Variants in GPAT2 observed in about 807,000 individuals in gnomAD.
The protein encoded by GPAT2 is 1-acylglycerol-3-phosphate O-acyltransferase GPAT2.
Under a neutral mutation model 71.0 loss-of-function variants are expected in GPAT2, and 51 were observed. The observed-to-expected ratio is 0.72, with a 90% confidence interval of 0.57 to 0.91. The LOEUF is 0.91. Ranked by LOEUF, GPAT2 falls within the 40% of genes least tolerant of loss-of-function variation. The probability of loss-of-function intolerance (pLI) is 0.00; values close to 1 mark genes in which losing one functional copy is unlikely to be tolerated. For synonymous variants in GPAT2, 222 were observed against 290.3 expected (o/e 0.76, Z 2.39); for missense variants, 511 against 666.0 (o/e 0.77, Z 2.56).
Position 96,024,516 on chromosome 2 carries a change from A to G in GPAT2, c.1598T>C (p.Leu533Pro), listed in dbSNP as rs756777226. The G allele has an allele frequency of 6.8e-6, 11 of 1,613,942 alleles. No individual in the cohort carries two copies. Among genetic ancestry groups the G allele is most frequent in the Non-Finnish European group, 8.5e-6 (10 of 1,179,962 alleles). ...GCCTGGGCCAGGCTGCGGCACCACC[A>G]GCAAGTCACCCTGACGGATGCGCAG... ...ALLRIRQGDL[L>P]VVPQPGPGLT... The change falls in exon 15 of 22, where the codon CTG becomes CCG. Residue 533 changes from leucine to proline, a missense_variant. By Grantham distance (98) the Leu-to-Pro change is moderately conservative. Coordinates refer to ENST00000434632, the MANE Select transcript of GPAT2 (RefSeq NM_001321527.2).
chr2:96,024,727 GCCACCCCCC>G (rs747493199), intron 14 of GPAT2, 37 bp downstream of exon 14: 211 of 1,611,696 alleles, frequency 1.3e-4, no homozygotes, highest in Non-Finnish European at 1.1e-4. Flanking sequence ...GCCACACATC[GCCACCCCCC>G]CCACCGCCCA....
intron 1 of GPAT2, among the ~76,000 whole-genome samples, chr2:96,034,023 T>C (rs1162087818): frequency 6.6e-6 from 1 of 151,576 alleles, no homozygotes; most frequent in African/African-American, 2.4e-5. Flanking sequence ...TACACACACA[T>C]ATATACATAT....
rs1679797673 is a variant in GPAT2, at chr2:96,022,557, G to A, written c.2289+111C>T. ...AAGTAAATCCCAGGGTCTTAATGAG[G>A]CACCATCAGGCCAGCCCTGTGGAGT... On this transcript the variant is annotated intron_variant, in intron 21 of 21. Transcript: ENST00000434632. The A allele has an allele frequency of 1.2e-5, 14 of 1,130,322 alleles. No individual in the cohort carries two copies. The East Asian group carries it at 3.3e-4, about 27-fold the overall frequency. 70.0% of individuals were successfully genotyped at this position (1,130,322 alleles called of 1,614,324 possible). A position where few individuals can be genotyped will look rare whatever the true frequency, so the allele number is the denominator to read the frequency against.
chr2:96,026,469 T>C, intron 10 of GPAT2, 164 bp from the exon 11 acceptor site: 1 of 526,340 alleles, frequency 1.9e-6, no homozygotes. Flanking sequence ...AGCTCCTCTT[T>C]CCTTATCCAT....
chr2:96,023,674 G>A, intron 17 of GPAT2: 2 of 709,532 alleles, frequency 2.8e-6, no homozygotes, highest in Non-Finnish European at 4.7e-6. Flanking sequence ...GAGGTGTGCA[G>A]AGAACCTCAG....
chr2:96,026,227 G>T lies in GPAT2; in HGVS notation c.1111C>A (p.Arg371=). The change falls in exon 11 of 22, where the codon CGG becomes AGG. Residue 371 remains arginine (R), a synonymous_variant. Transcript: ENST00000434632. ...SLWSRWGCSH[R]ICSRVHLAQP... The stretch of plus-strand genomic sequence containing the variant: ...GCTAGGTGCACCCGGGAGCAGATCC[G>T]GTGGCTGCAGCCCCAGCGGCTCCAC... The T allele has an allele frequency of 6.2e-7, 1 of 1,611,428 alleles. No homozygotes were observed. Among genetic ancestry groups the T allele is most frequent in the Non-Finnish European group, 8.5e-7 (1 of 1,179,096 alleles).
intron 1 of GPAT2, among the ~76,000 whole-genome samples, chr2:96,034,069 A>G (rs1265295237): frequency 6.7e-6 from 1 of 150,330 alleles, no homozygotes; most frequent in Non-Finnish European, 1.5e-5. Flanking sequence ...ACACATATAT[A>G]CATATAATAC....
Position 96,024,205 on chromosome 2 carries a change from T to G in GPAT2, c.1820A>C (p.Asp607Ala), listed in dbSNP as rs758575848. Residue 607 changes from aspartate to alanine, a missense_variant, in exon 16 of 22, where the codon GAC (aspartate) becomes GCC (alanine). Around this residue, in one of 7 missense-constraint regions of GPAT2, gnomAD observed 295 missense variants for 305.5 expected, o/e 0.97. Coordinates refer to ENST00000434632, the MANE Select transcript of GPAT2 (RefSeq NM_001321527.2). ...ILLLMHLLPQ[D>A]LLLLKPCQSS... is the part of the protein sequence containing the mutation. ...AGGCCTGACCTTTAGCAGCAGCAGG[T>G]CTTGCGGCAGCAGGTGCATCAGCAG... The G allele has an allele frequency of 2.2e-5, 33 of 1,532,366 alleles. No homozygotes were observed. Among genetic ancestry groups the G allele is most frequent in the Non-Finnish European group, 2.9e-5 (33 of 1,135,254 alleles). The allele number at this position is 1,532,366 out of a possible 1,614,324, so 94.9% of individuals were successfully genotyped here. A position where few individuals can be genotyped will look rare whatever the true frequency, so the allele number is the denominator to read the frequency against.
At chr2:96,022,297 G>GT in intron 21 of GPAT2, 22 bp from the exon 22 acceptor site, 1 of 1,569,644 alleles carries the variant, frequency 6.4e-7, no homozygotes, top group East Asian at 2.3e-5. Flanking sequence ...AAGATAAGCC[G>GT]TGAGTGCGCT....
At position 96,024,452 on chromosome 2, in the gene GPAT2, G is replaced by A. The variant is rs1161488806; in HGVS notation, c.1662C>T (p.Pro554=). The change falls in exon 15 of 22, where the codon CCC becomes CCT. Residue 554 remains proline, a synonymous_variant. Coordinates refer to ENST00000434632, the MANE Select transcript of GPAT2 (RefSeq NM_001321527.2). ...CGCCCACAGCCTCGCTCAGGAAGAC[G>A]GGCAGCAGCTCAGCACTCAGTTGTG... is the stretch of plus-strand genomic sequence containing the variant. ...HLAQLSAELL[P]VFLSEAVGAC... The A allele has an allele frequency of 4.3e-6, 7 of 1,613,716 alleles. No individual in the cohort carries two copies. The highest frequency in any genetic ancestry group is 4.5e-5 in the East Asian group (2 of 44,878).
At chr2:96,024,730 A>AC (rs142519133) in intron 14 of GPAT2, 43 bp downstream of exon 14, 81,070 of 1,608,936 alleles carry the variant, frequency 0.05, 2,714 homozygotes, top group East Asian at 0.17. Context: ...ACACATCGCC[A>AC]CCCCCCCCAC....
chr2:96,023,474 C>T, intron 17 of GPAT2, 34 bp from the exon 18 acceptor site: 1 of 1,612,370 alleles, frequency 6.2e-7, no homozygotes, highest in Non-Finnish European at 8.5e-7. Context: ...CTCTGACAAG[C>T]TGGCCAGGGA....
rs551982593 is a variant in GPAT2 at position 96,023,180 on chromosome 2, C to T, written c.2093G>A (p.Arg698His). Reference protein sequence around the residue: ...HCPDFFLFLCRLLSPLLKAFA... With the variant: ...HCPDFFLFLCHLLSPLLKAFA... ...GGCCTTGAGCAGCGGGCTGAGCAGG[C>T]GGCAGAGGAAAAGAAAGAAATCTGG... Residue 698 changes from arginine to histidine, a missense_variant, in exon 19 of 22, where the codon CGC becomes CAC. Around this residue, in one of 7 missense-constraint regions of GPAT2, gnomAD observed 4 missense variants for 19.1 expected, o/e 0.21. Coordinates refer to ENST00000434632, the MANE Select transcript of GPAT2 (RefSeq NM_001321527.2). 55 of 1,602,292 alleles carry T rather than the reference C, an allele frequency of 3.4e-5. No individual in the cohort carries two copies. Among genetic ancestry groups the T allele is most frequent in the African/African-American group, 2.4e-4 (18 of 74,798 alleles).
chr2:96,025,939 A>G lies in GPAT2; in HGVS notation c.1229T>C (p.Leu410Pro). 2 of 1,612,320 alleles carry G rather than the reference A, an allele frequency of 1.2e-6. No homozygotes were observed. The highest frequency in any genetic ancestry group is 2.7e-5 in the African/African-American group (2 of 75,012). The change falls in exon 12 of 22, where the codon CTG becomes CCG. Residue 410 changes from leucine to proline, a missense_variant. Around this residue, in one of 7 missense-constraint regions of GPAT2, gnomAD observed 79 missense variants for 111.4 expected, o/e 0.71. Transcript: ENST00000434632. Reference protein sequence around the residue: ...TLEQLLQPIVLGQCTAVPDTE... With the variant: ...TLEQLLQPIVPGQCTAVPDTE... ...GCTCCTGTGCCCCTACCATTGGCCC[A>G]GCACGATGGGCTGCAGTAGCTGCTC...
chr2:96,022,327 A>G (rs1013240594), intron 21 of GPAT2, 52 bp from the exon 22 acceptor site: 4 of 1,515,680 alleles, frequency 2.6e-6, no homozygotes, highest in African/African-American at 2.8e-5. Context: ...GACTGTGTAC[A>G]CATGGCCCAG....
At chr2:96,032,256 C>T (rs1249048469) in intron 2 of GPAT2, 41 bp downstream of exon 2, 3 of 1,516,668 alleles carry the variant, frequency 2.0e-6, no homozygotes, top group South Asian at 2.2e-5. Flanking sequence ...GAAGGGGTGG[C>T]AGGGCAGAGA....
At position 96,026,021 on chromosome 2, in the gene GPAT2, G is replaced by T. The variant is rs752412297; in HGVS notation, c.1156-9C>A. Reference sequence around the variant, plus strand: ...GCACTGACGATGTATTCCTGCCCAAGAGAAGGCTCTTAGGTGGCCTGCTCG... The same window carrying T: ...GCACTGACGATGTATTCCTGCCCAATAGAAGGCTCTTAGGTGGCCTGCTCG... On this transcript the variant is annotated splice_polypyrimidine_tract_variant and intron_variant, in intron 11 of 21. Transcript: ENST00000434632. 1.9e-6 allele frequency: 3 copies of T among 1,612,516 alleles called. No individual in the cohort carries two copies. The African/African-American group carries it at 4.0e-5, about 22-fold the overall frequency.
intron 11 of GPAT2, 61 bp downstream of exon 11, chr2:96,026,122 T>A (rs1680377347): frequency 1.3e-6 from 2 of 1,576,470 alleles, no homozygotes; most frequent in East Asian, 4.5e-5. Flanking sequence ...AGGGCCAGGC[T>A]GCCAGGATGC....
At position 96,022,274 on chromosome 2, in the gene GPAT2, A is replaced by C. The variant is rs750385219; in HGVS notation, c.2291T>G (p.Val764Gly). 7.0e-5 allele frequency: 112 copies of C among 1,592,684 alleles called. No individual in the cohort carries two copies. The highest frequency in any genetic ancestry group is 8.7e-5 in the Non-Finnish European group (102 of 1,168,744). Residue 764 changes from valine (V) to glycine (G), a missense_variant and splice_region_variant, in exon 22 of 22, where the codon GTT becomes GGT. By Grantham distance (109) the Val-to-Gly change is moderately radical. Around this residue, in one of 7 missense-constraint regions of GPAT2, gnomAD observed 108 missense variants for 117.6 expected, o/e 0.92. Transcript: ENST00000434632. ...SAVWTFRDLG[V>G]LQQTPSPAGP... ...TGCAGGGCTCGGCGTCTGCTGCAGA[A>C]CCTGGGCCATGGAAGATAAGCCGTG...
Sources: allele counts gnomAD v4.1 joint callset (sites outside exome capture counted in the v4.1 genomes callset), GRCh38; gene constraint gnomAD v4.1.1; regional missense constraint gnomAD v4.1.1; transcripts MANE v1.5; gene names NCBI Gene and HGNC (gene_info 2026-07-23, HGNC 2026-07-21).